ASIC2: variants seen among roughly 807,000 people sequenced by gnomAD.
ASIC2 encodes the protein acid-sensing ion channel 2.
In ASIC2, 25 loss-of-function variants were observed where a neutral mutation model predicts 57.3. The ratio of observed to expected loss-of-function variants is 0.44; its 90% CI spans 0.32 to 0.61. The LOEUF is 0.61. Ranked by LOEUF, ASIC2 falls within the 20% of genes least tolerant of loss-of-function variation. The probability of loss-of-function intolerance (pLI) is 0.06; values close to 1 mark genes in which losing one functional copy is unlikely to be tolerated. For missense variants in ASIC2, 641 were observed against 738.1 expected (o/e 0.87, Z 1.52); for synonymous variants, 319 against 307.5 (o/e 1.04, Z -0.39).
chr17:33,859,403 C>A (rs1028798985), intron 1 of ASIC2, among the ~76,000 whole-genome samples: 8 of 151,998 alleles, frequency 5.3e-5, no homozygotes, highest in African/African-American at 1.4e-4. Flanking sequence ...GGGGGAGGAA[C>A]AAAGGAAGAA....
intron 1 of ASIC2, among the ~76,000 whole-genome samples, chr17:33,617,293 A>G (rs1905638542): frequency 6.6e-6 from 1 of 152,246 alleles, no homozygotes; most frequent in African/African-American, 2.4e-5. Flanking sequence ...TGTGGTACAT[A>G]TATACTGTGG....
intron 1 of ASIC2, among the ~76,000 whole-genome samples, chr17:33,490,659 C>T (rs1312757799): frequency 2.0e-5 from 3 of 152,182 alleles, no homozygotes; most frequent in Non-Finnish European, 2.9e-5. Context: ...TGCCTTCCGC[C>T]CTGATTGCGA....
Position 33,642,524 on chromosome 17 carries a change from A to G in ASIC2, c.555+513454T>C, listed in dbSNP as rs139909974. On this transcript the variant is annotated intron_variant, in intron 1 of 9. Coordinates refer to the ASIC2 transcript ENST00000359872. ...TAAGGGTTGCAAAAATACTTGTTGA[A>G]TGAATGAATCAATCAGTGATACAGA... Among the ~76,000 whole-genome samples the G allele has an allele frequency of 5.9e-3, 895 of 152,282 alleles. 9 individuals are homozygous for G. The highest frequency in any genetic ancestry group is 0.02 in the African/African-American group (814 of 41,564).
At chr17:33,421,667 C>G (rs2221410) in intron 1 of ASIC2, among the ~76,000 whole-genome samples, 114,530 of 152,136 alleles carry the variant, frequency 0.75, 43,715 homozygotes, top group Non-Finnish European at 0.8. Context: ...GTTTGTTTTT[C>G]AGTTTATGGT....
At position 33,851,346 on chromosome 17, in the gene ASIC2, C is replaced by T. The variant is rs143428635; in HGVS notation, c.555+304632G>A. 2.0e-3 allele frequency among the ~76,000 whole-genome samples: 310 copies of T among 152,016 alleles called. 1 individual carries two copies. Among genetic ancestry groups the T allele is most frequent in the African/African-American group, 7.3e-3 (301 of 41,464 alleles). ...GGTTGATGTATTAAAGACCATGAGG[C>T]TGGGGGCAATGATGGGGGAGTAGCC... On this transcript the variant is annotated intron_variant, in intron 1 of 9. Coordinates refer to the ASIC2 transcript ENST00000359872.
chr17:33,786,371 T>A (rs1257983038), intron 1 of ASIC2, among the ~76,000 whole-genome samples: 1 of 151,940 alleles, frequency 6.6e-6, no homozygotes, highest in Non-Finnish European at 1.5e-5. Flanking sequence ...AAGTCGAGAT[T>A]CCCAGACTTC....
In ASIC2 at chr17:33,105,581, G is replaced by T. The variant is rs185685794; in HGVS notation, c.859+6336C>A. Among the ~76,000 whole-genome samples the T allele has an allele frequency of 6.6e-5, 10 of 152,320 alleles. No homozygotes were observed. The East Asian group carries it at 1.9e-3, about 29-fold the overall frequency. ...TACTTGAAAATGTGGAAAACACTTT[G>T]GAACTGGGTAACAGGCAGCAGTTGG... On this transcript the variant is annotated intron_variant, in intron 2 of 9. Transcript: ENST00000225823.
intron 1 of ASIC2, among the ~76,000 whole-genome samples, chr17:34,117,375 T>A (rs1035781578): frequency 2.0e-5 from 3 of 152,162 alleles, no homozygotes; most frequent in Non-Finnish European, 1.5e-5. Context: ...AAACGGCATA[T>A]GGTTGGGGTT....
chr17:34,155,111 T>A (rs1324192606), intron 1 of ASIC2, among the ~76,000 whole-genome samples: 1 of 151,686 alleles, frequency 6.6e-6, no homozygotes, highest in Non-Finnish European at 1.5e-5. Context: ...CCCACAGCTG[T>A]TCGCCCCCTC....
intron 1 of ASIC2, among the ~76,000 whole-genome samples, chr17:33,273,657 C>G (rs1904594716): frequency 6.6e-6 from 1 of 152,250 alleles, no homozygotes; most frequent in African/African-American, 2.4e-5. Flanking sequence ...AAGCCATCCT[C>G]TCAATTCATT....
chr17:33,722,452 T>G (rs535908167), intron 1 of ASIC2, among the ~76,000 whole-genome samples: 67 of 152,110 alleles, frequency 4.4e-4, no homozygotes, highest in Non-Finnish European at 9.0e-4. Flanking sequence ...GCAAAAGATT[T>G]CCGCAAGTAA....
At chr17:34,027,342 C>T (rs569964361) in intron 1 of ASIC2, among the ~76,000 whole-genome samples, 6 of 152,116 alleles carry the variant, frequency 3.9e-5, no homozygotes, top group African/African-American at 7.2e-5. Flanking sequence ...CATTTAAGTT[C>T]GCTGACATCT....
intron 1 of ASIC2, among the ~76,000 whole-genome samples, chr17:34,147,405 C>T (rs748140934): frequency 6.6e-6 from 1 of 152,126 alleles, no homozygotes; most frequent in East Asian, 1.9e-4. Context: ...GAGAATATAT[C>T]GAAATCAGAA....
intron 1 of ASIC2, among the ~76,000 whole-genome samples, chr17:33,387,751 G>A (rs1053732666): frequency 1.3e-5 from 2 of 152,214 alleles, no homozygotes; most frequent in African/African-American, 2.4e-5. Flanking sequence ...TGTAACTATA[G>A]TTAACAATAC....
At chr17:33,783,315 C>T (rs982612798) in intron 1 of ASIC2, among the ~76,000 whole-genome samples, 1 of 152,238 alleles carries the variant, frequency 6.6e-6, no homozygotes, top group African/African-American at 2.4e-5. Flanking sequence ...ACTTACTAAT[C>T]CTGGTGAGAT....
intron 1 of ASIC2, among the ~76,000 whole-genome samples, chr17:33,572,868 A>T (rs892379388): frequency 1.3e-5 from 2 of 152,196 alleles, no homozygotes; most frequent in African/African-American, 4.8e-5. Context: ...ATCTCTGGGA[A>T]CATTCCATTC....
At chr17:33,891,308 T>C (rs529641756) in intron 1 of ASIC2, among the ~76,000 whole-genome samples, 1 of 152,264 alleles carries the variant, frequency 6.6e-6, no homozygotes, top group Admixed American at 6.5e-5. Flanking sequence ...GTCCTTCCAA[T>C]TTTGTGAGAG....
chr17:33,850,468 A>G (rs1335028506), intron 1 of ASIC2, among the ~76,000 whole-genome samples: 1 of 152,204 alleles, frequency 6.6e-6, no homozygotes, highest in Admixed American at 6.5e-5. Context: ...CTCTGGCTGC[A>G]ATTACCACTT....
chr17:33,492,173 G>T (rs186556200), intron 1 of ASIC2, among the ~76,000 whole-genome samples: 31 of 152,368 alleles, frequency 2.0e-4, no homozygotes, highest in Admixed American at 9.8e-4. Context: ...GCGTTATGCA[G>T]CAGGTTCTAA....
Sources: allele counts gnomAD v4.1 joint callset (sites outside exome capture counted in the v4.1 genomes callset), GRCh38; gene constraint gnomAD v4.1.1; transcripts MANE v1.5; gene names NCBI Gene and HGNC (gene_info 2026-07-23, HGNC 2026-07-21).